The following ARID1A variants were observed in gnomAD, a reference collection of about 807,000 sequenced individuals.
ARID1A encodes AT-rich interaction domain 1A, also known as AT-rich interactive domain-containing protein 1A.
A neutral mutation model predicts 212.6 loss-of-function variants in ARID1A; 20 were observed. The ratio of observed to expected loss-of-function variants is 0.09; its 90% CI spans 0.07 to 0.14. The LOEUF (loss-of-function observed/expected upper bound fraction) is 0.14, where lower values mean the gene tolerates loss of function less well. Ranked by LOEUF, ARID1A falls within the 10% of genes least tolerant of loss-of-function variation. The pLI is 1.00. For synonymous variants in ARID1A, 1,376 were observed against 1,222.1 expected, an observed-to-expected ratio of 1.13 and a Z score of -2.63; for missense variants, 2,587 against 3,059.0, an observed-to-expected ratio of 0.85 and a Z score of 3.64.
chr1:26,729,146 T>C (rs1322751564), intron 1 of ARID1A: 1 of 157,952 alleles, frequency 6.3e-6, no homozygotes, highest in Non-Finnish European at 1.4e-5. Context: ...ACTTAGCTGC[T>C]TTGCTTATTT....
chr1:26,775,714 A>G lies in ARID1A; in HGVS notation c.5124+7A>G. 1.2e-6 allele frequency: 2 copies of G among 1,614,212 alleles called. No homozygotes were observed. Among genetic ancestry groups the G allele is most frequent in the Non-Finnish European group, 1.7e-6 (2 of 1,180,028 alleles). On this transcript the variant is annotated splice_region_variant and intron_variant, in intron 19 of 19. Transcript: ENST00000324856. ...GACCTTCAACCTCAGTCAGGTGAGTATCAGTGCCTGGGGAAGATTGAGAGG... is the reference window on the plus strand; with the variant it reads ...GACCTTCAACCTCAGTCAGGTGAGTGTCAGTGCCTGGGGAAGATTGAGAGG...
Position 26,696,317 on chromosome 1 carries a change from C to A in ARID1A, c.-87C>A. 9.5e-7 allele frequency: 1 copy of A among 1,053,828 alleles called. No individual in the cohort carries two copies. The highest frequency in any genetic ancestry group is 1.1e-6 in the Non-Finnish European group (1 of 889,772). 65.3% of individuals were successfully genotyped at this position (1,053,828 alleles called of 1,614,324 possible). A position where few individuals can be genotyped will look rare whatever the true frequency, so the allele number is the denominator to read the frequency against. ...GCCCGGGCGGGTGGGGAGGGCAGCC[C>A]GGGGGACTGGGCCCCGGGGCGGGGT... On this transcript the variant is annotated 5_prime_UTR_variant, in exon 1 of 20. Transcript: ENST00000324856.
At chr1:26,722,857 T>C (rs1268705861) in intron 1 of ARID1A, among the ~76,000 whole-genome samples, 2 of 152,176 alleles carry the variant, frequency 1.3e-5, no homozygotes, top group Non-Finnish European at 2.9e-5. Flanking sequence ...TCTTTAGTGT[T>C]GTCTCTGTTG....
rs1271721560 is a variant in ARID1A, at chr1:26,696,794, G to A, written c.391G>A (p.Gly131Arg). ...CGGCGGCGGTGGCGGCAGCAGCGAT[G>A]GGGTGGGGGCGCCTCCTCACTCAGC... ...PGGGGGGSSD[G>R]VGAPPHSAAA... The change falls in exon 1 of 20, where the codon GGG becomes AGG. Residue 131 changes from glycine to arginine, a missense_variant. Physicochemically the swap from Gly to Arg is moderately radical, Grantham distance 125. Around this residue, in one of 11 missense-constraint regions of ARID1A, gnomAD observed 735 missense variants for 590.6 expected, o/e 1.24. Coordinates refer to ENST00000324856, the MANE Select transcript of ARID1A (RefSeq NM_006015.6). The A allele has an allele frequency of 6.0e-6, 8 of 1,335,766 alleles. No homozygotes were observed. Among genetic ancestry groups the A allele is most frequent in the Middle Eastern group, 4.9e-4 (2 of 4,044 alleles). 82.7% of individuals were successfully genotyped at this position (1,335,766 alleles called of 1,614,324 possible).
intron 4 of ARID1A, among the ~76,000 whole-genome samples, chr1:26,736,761 G>A (rs1401920546): frequency 2.0e-5 from 3 of 151,804 alleles, no homozygotes; most frequent in Non-Finnish European, 2.9e-5. Context: ...AATTAGCCAG[G>A]CGTGGTGGTG....
intron 1 of ARID1A, among the ~76,000 whole-genome samples, chr1:26,717,401 C>T (rs543339278): frequency 1.3e-5 from 2 of 152,322 alleles, no homozygotes; most frequent in South Asian, 4.1e-4. Flanking sequence ...TCCCTGTTTA[C>T]AGATGGTTCT....
intron 1 of ARID1A, 32 bp from the exon 2 acceptor site, chr1:26,729,619 C>T (rs1259615828): frequency 2.5e-6 from 4 of 1,609,556 alleles, no homozygotes; most frequent in African/African-American, 2.7e-5. Flanking sequence ...GCCATCAAAG[C>T]TCAGGTTAAT....
chr1:26,760,041 A>T (rs1337048944), intron 4 of ARID1A, among the ~76,000 whole-genome samples: 3 of 152,160 alleles, frequency 2.0e-5, no homozygotes, highest in Non-Finnish European at 4.4e-5. Flanking sequence ...AGGAGAGGGG[A>T]TCTATAAATG....
intron 4 of ARID1A, among the ~76,000 whole-genome samples, chr1:26,743,861 A>T (rs2080811209): frequency 6.6e-6 from 1 of 151,904 alleles, no homozygotes; most frequent in African/African-American, 2.4e-5. Context: ...TGTTCATTTC[A>T]TGATAGAAGG....
chr1:26,702,891 TAGTA>T (rs1457337355), intron 1 of ARID1A, among the ~76,000 whole-genome samples: 1 of 152,182 alleles, frequency 6.6e-6, no homozygotes, highest in Non-Finnish European at 1.5e-5. Flanking sequence ...TGACTGTCAA[TAGTA>T]AGGTAAGTAT....
intron 1 of ARID1A, among the ~76,000 whole-genome samples, chr1:26,712,184 C>T (rs2080461101): frequency 1.3e-5 from 2 of 152,156 alleles, no homozygotes; most frequent in Admixed American, 1.3e-4. Flanking sequence ...ACTTAAAGGT[C>T]AGTGTTGGAG....
At position 26,696,337 on chromosome 1, in the gene ARID1A, CGGGGTGGGAGGGGG is replaced by C. The variant is rs1356198051; in HGVS notation, c.-64_-51del. 2.5e-6 allele frequency: 2 copies of C among 788,728 alleles called. No individual in the cohort carries two copies. Among genetic ancestry groups the C allele is most frequent in the Middle Eastern group, 1.0e-3 (2 of 1,988 alleles). 48.9% of individuals were successfully genotyped at this position (788,728 alleles called of 1,614,324 possible). A position where few individuals can be genotyped will look rare whatever the true frequency, so the allele number is the denominator to read the frequency against. On this transcript the variant is annotated 5_prime_UTR_variant, in exon 1 of 20. Transcript: ENST00000324856. Reference sequence around the variant, plus strand: ...CAGCCCGGGGGACTGGGCCCCGGGGCGGGGTGGGAGGGGGGGAGAAGACGAAGACAGGGCCGGGT... The same window carrying C: ...CAGCCCGGGGGACTGGGCCCCGGGGCGGAGAAGACGAAGACAGGGCCGGGT...
chr1:26,704,193 G>A (rs1313910652), intron 1 of ARID1A, among the ~76,000 whole-genome samples: 2 of 152,054 alleles, frequency 1.3e-5, no homozygotes, highest in African/African-American at 4.8e-5. Flanking sequence ...GTGGTTCCAG[G>A]GTCTTAGTGG....
Position 26,697,104 on chromosome 1 carries a change from C to G in ARID1A, c.701C>G (p.Pro234Arg), listed in dbSNP as rs1379814418. 3 of 1,462,406 alleles carry G rather than the reference C, an allele frequency of 2.1e-6. No homozygotes were observed. Among genetic ancestry groups the G allele is most frequent in the African/African-American group, 3.0e-5 (2 of 67,248 alleles). The allele number at this position is 1,462,406 out of a possible 1,614,324, so 90.6% of individuals were successfully genotyped here. A position where few individuals can be genotyped will look rare whatever the true frequency, so the allele number is the denominator to read the frequency against. Residue 234 changes from proline (P) to arginine (R), a missense_variant, in exon 1 of 20, where the codon CCG becomes CGG. Physicochemically the swap from Pro to Arg is moderately radical, Grantham distance 103 (BLOSUM62 -2). Transcript: ENST00000324856. The part of the protein sequence containing the change: ...PPAPAYALSS[P>R]RGGTPGSGAA... ...GCCCCGGCCTACGCGCTGAGCTCCC[C>G]GAGAGGTGGCACTCCGGGCTCCGGC...
In ARID1A at chr1:26,781,160, A is replaced by T. The variant is rs1019140683; in HGVS notation, c.*404A>T. ...ACATTTCATAACTGTTTTTAATGGT[A>T]AAAAAAAAAAAAAAAAATACAAAAA... On this transcript the variant is annotated 3_prime_UTR_variant, in exon 20 of 20. Transcript: ENST00000324856. 4 of 119,566 alleles carry T rather than the reference A, an allele frequency of 3.3e-5. No homozygotes were observed. The highest frequency in any genetic ancestry group is 1.7e-4 in the Admixed American group (2 of 11,952). 7.4% of individuals were successfully genotyped at this position (119,566 alleles called of 1,614,324 possible).
chr1:26,754,794 A>G (rs922003833), intron 4 of ARID1A, among the ~76,000 whole-genome samples: 3 of 152,172 alleles, frequency 2.0e-5, no homozygotes, highest in African/African-American at 4.8e-5. Context: ...ATGTAATCCA[A>G]TCTCTTTAGG....
chr1:26,762,730 A>G (rs911382266), intron 7 of ARID1A, among the ~76,000 whole-genome samples: 13 of 152,198 alleles, frequency 8.5e-5, no homozygotes, highest in African/African-American at 2.7e-4. Context: ...ATGGAAATAG[A>G]AAGGAAGTTA....
chr1:26,773,813 A>C lies in ARID1A; in HGVS notation c.4016A>C (p.Tyr1339Ser), dbSNP rs1004080670. 1 of 1,614,048 alleles carries C rather than the reference A, an allele frequency of 6.2e-7. No individual in the cohort carries two copies. Among genetic ancestry groups the C allele is most frequent in the Non-Finnish European group, 8.5e-7 (1 of 1,179,980 alleles). ...QQQQQQRHDS[Y>S]GNQFSTQGTP... ...TTTGCCTCCTATAGACATGATTCCT[A>C]TGGCAATCAGTTCTCCACCCAAGGC... is the stretch of plus-strand genomic sequence containing the variant. The change falls in exon 17 of 20, where the codon TAT becomes TCT. Residue 1339 changes from tyrosine (Y) to serine (S), a missense_variant. Physicochemically the swap from Tyr to Ser is moderately radical, Grantham distance 144. Coordinates refer to ENST00000324856, the MANE Select transcript of ARID1A (RefSeq NM_006015.6).
At position 26,731,369 on chromosome 1, in the gene ARID1A, C is replaced by T. The variant is rs2124788993; in HGVS notation, c.1568C>T (p.Ser523Phe). 6.2e-7 allele frequency: 1 copy of T among 1,613,990 alleles called. No individual in the cohort carries two copies. ...SSQPPYSQQP[S>F]QPPHQQSPAP... ...CAGCCTCCATACTCCCAGCAGCCAT[C>T]CCAGCCTCCACATCAGCAGTCCCCG... The change falls in exon 3 of 20, where the codon TCC (serine) becomes TTC (phenylalanine). Residue 523 changes from serine to phenylalanine, a missense_variant. Physicochemically the swap from Ser to Phe is radical, Grantham distance 155. This residue lies in a region of ARID1A where 674 missense variants were observed against 813.4 expected (regional missense o/e 0.83). Transcript: ENST00000324856.
Sources: gnomAD v4.1 joint callset for allele counts (sites outside exome capture counted in the v4.1 genomes callset) on GRCh38, gnomAD v4.1.1 for gene constraint, gnomAD v4.1.1 regional missense constraint, MANE v1.5 for transcripts, NCBI Gene and HGNC (gene_info 2026-07-23, HGNC 2026-07-21) for gene names.